The following CEACAM1 variants were observed in gnomAD, a reference collection of about 807,000 sequenced individuals.
CEACAM1 encodes cell adhesion molecule CEACAM1.
CEACAM1 carries 31 observed loss-of-function variants against 49.1 expected under a neutral mutation model. The observed-to-expected ratio is 0.63, with a 90% CI of 0.47 to 0.85. The LOEUF is 0.85. Among genes scored for constraint, CEACAM1 ranks in the 40% least tolerant of loss-of-function variants. The pLI is 0.00. For synonymous variants in CEACAM1, 244 were observed against 247.8 expected, an observed-to-expected ratio of 0.98 and a Z score of 0.14; for missense variants, 570 against 645.3, an observed-to-expected ratio of 0.88 and a Z score of 1.26.
rs75316232 is a variant in CEACAM1, at chr19:42,528,431, G to A, written c.-57C>T. 5.1e-6 allele frequency: 8 copies of A among 1,557,060 alleles called. No homozygotes were observed. The highest frequency in any genetic ancestry group is 4.5e-5 in the East Asian group (2 of 44,526). ...GGAGGAGAGCTTGGGCTCCAGGAAC[G>A]CTTCGAGCACGGCTGCTCTGTCACC... On this transcript the variant is annotated 5_prime_UTR_variant, in exon 1 of 9. Transcript: ENST00000161559.
intron 7 of CEACAM1, 25 bp from the exon 8 acceptor site, chr19:42,510,945 C>A: frequency 2.5e-6 from 4 of 1,612,718 alleles, no homozygotes; most frequent in Non-Finnish European, 3.4e-6. Flanking sequence ...GAAGAGTTAG[C>A]GATCCATGGA....
chr19:42,519,451 C>T (rs2041685145), intron 4 of CEACAM1: 5 of 565,640 alleles, frequency 8.8e-6, no homozygotes, highest in Non-Finnish European at 1.6e-5. Context: ...GCACCTCCCT[C>T]CTGACCCCAG....
intron 4 of CEACAM1, among the ~76,000 whole-genome samples, chr19:42,519,925 T>C (rs2041701324): frequency 6.6e-6 from 1 of 152,238 alleles, no homozygotes; most frequent in Non-Finnish European, 1.5e-5. Flanking sequence ...ACTGTCACTT[T>C]ACATACAAAA....
rs140710372 is a variant in CEACAM1, at chr19:42,521,280, C to T, written c.945G>A (p.Thr315=). ...GGAATTACTTACCAGTGACTATGATCGTCTTGACTGTGGTCCTGTTGCAGC... is the reference window on the plus strand; with the variant it reads ...GGAATTACTTACCAGTGACTATGATTGTCTTGACTGTGGTCCTGTTGCAGC... ...VTGCNRTTVK[T]IIVTELSPVV... is the part of the protein sequence containing the mutation. Residue 315 remains threonine (T), a synonymous_variant, in exon 4 of 9, where the codon ACG becomes ACA. Transcript: ENST00000161559. The T allele has an allele frequency of 5.5e-5, 88 of 1,614,022 alleles. No individual in the cohort carries two copies. The highest frequency in any genetic ancestry group is 1.3e-4 in the Admixed American group (8 of 59,994).
chr19:42,522,059 T>C lies in CEACAM1; in HGVS notation c.568A>G (p.Arg190Gly). The C allele has an allele frequency of 6.2e-7, 1 of 1,614,218 alleles. No individual in the cohort carries two copies. Among genetic ancestry groups the C allele is most frequent in the Non-Finnish European group, 8.5e-7 (1 of 1,180,028 alleles). The change falls in exon 3 of 9, where the codon AGG becomes GGG. Residue 190 changes from arginine (R) to glycine (G), a missense_variant. Coordinates refer to ENST00000161559, the MANE Select transcript of CEACAM1 (RefSeq NM_001712.5). ...CTGTTGCCATTGGACAGCTGCAGCC[T>C]GGGACTGACCGGGAGGCTCTGATTG... is the stretch of plus-strand genomic sequence containing the variant. ...INNQSLPVSPRLQLSNGNRTL... is the reference protein window; with the variant it reads ...INNQSLPVSPGLQLSNGNRTL...
intron 3 of CEACAM1, 41 bp from the exon 4 acceptor site, chr19:42,521,562 G>C (rs1232162746): frequency 1.3e-6 from 2 of 1,594,982 alleles, no homozygotes; most frequent in Admixed American, 1.7e-5. Context: ...TGTCATCAGA[G>C]GGAAGGGGAA....
At chr19:42,527,495 C>T (rs550583780) in intron 1 of CEACAM1, 95 bp from the exon 2 acceptor site, 3 of 1,416,078 alleles carry the variant, frequency 2.1e-6, no homozygotes, top group African/African-American at 1.5e-5. Context: ...CTTCACCCCT[C>T]CACCTTGGAG....
intron 2 of CEACAM1, chr19:42,525,599 A>G (rs2041871302): frequency 6.6e-6 from 1 of 152,216 alleles, no homozygotes; most frequent in Non-Finnish European, 1.5e-5. Context: ...TTAATTCTCC[A>G]TTTGATCTCA....
intron 6 of CEACAM1, among the ~76,000 whole-genome samples, chr19:42,511,918 T>C (rs921098983): frequency 2.0e-4 from 31 of 152,128 alleles, no homozygotes; most frequent in Non-Finnish European, 1.9e-4. Context: ...TTTTTTTTTT[T>C]TCTCTATTTA....
intron 5 of CEACAM1, among the ~76,000 whole-genome samples, chr19:42,514,751 G>C (rs1324389295): frequency 6.6e-6 from 1 of 152,142 alleles, no homozygotes; most frequent in Non-Finnish European, 1.5e-5. Context: ...GTGCTGTCAG[G>C]TAGACATTAT....
At chr19:42,516,534 G>C (rs1423005348) in intron 5 of CEACAM1, among the ~76,000 whole-genome samples, 1 of 152,110 alleles carries the variant, frequency 6.6e-6, no homozygotes, top group East Asian at 1.9e-4. Context: ...CATTTTCATG[G>C]ATTAGAAGAC....
intron 5 of CEACAM1, chr19:42,516,887 C>A (rs534585590): frequency 1.7e-5 from 7 of 419,980 alleles, no homozygotes; most frequent in South Asian, 8.5e-5. Flanking sequence ...AGCAAAAAAA[C>A]AAAACAAAAC....
chr19:42,513,044 G>A (rs2041501401), intron 5 of CEACAM1, among the ~76,000 whole-genome samples: 1 of 152,168 alleles, frequency 6.6e-6, no homozygotes, highest in African/African-American at 2.4e-5. Context: ...CCATTTTTAA[G>A]GCTTTGAAAT....
At chr19:42,517,800 C>T (rs1404369335) in intron 5 of CEACAM1, among the ~76,000 whole-genome samples, 1 of 152,174 alleles carries the variant, frequency 6.6e-6, no homozygotes, top group Non-Finnish European at 1.5e-5. Flanking sequence ...ACAGGATTAC[C>T]ATTTGATCCA....
intron 5 of CEACAM1, among the ~76,000 whole-genome samples, chr19:42,517,229 G>A (rs976903309): frequency 1.3e-5 from 2 of 152,176 alleles, no homozygotes; most frequent in Non-Finnish European, 2.9e-5. Flanking sequence ...TAAAGCTCTT[G>A]GAAGATAGAG....
intron 8 of CEACAM1, 111 bp downstream of exon 8, chr19:42,510,778 C>T: frequency 2.1e-6 from 2 of 964,234 alleles, no homozygotes; most frequent in Non-Finnish European, 3.4e-6. Context: ...TGTTGTTGCA[C>T]TGAGGAACAT....
intron 6 of CEACAM1, among the ~76,000 whole-genome samples, chr19:42,512,013 C>T (rs2041469547): frequency 6.6e-6 from 1 of 152,054 alleles, no homozygotes; most frequent in South Asian, 2.1e-4. Context: ...ATGTGGTCAA[C>T]AGAGCACATG....
chr19:42,517,157 A>AT (rs1157108659), intron 5 of CEACAM1, among the ~76,000 whole-genome samples: 1 of 152,232 alleles, frequency 6.6e-6, no homozygotes, highest in African/African-American at 2.4e-5. Flanking sequence ...ACCTTTATGT[A>AT]ACACCATATA....
intron 4 of CEACAM1, 148 bp from the exon 5 acceptor site, chr19:42,519,383 G>A (rs2041683392): frequency 1.4e-6 from 1 of 721,212 alleles, no homozygotes; most frequent in Non-Finnish European, 2.4e-6. Flanking sequence ...GGATAGCCCT[G>A]ACCCTCTGCA....
Sources: gnomAD v4.1 joint callset for allele counts (sites outside exome capture counted in the v4.1 genomes callset) on GRCh38, gnomAD v4.1.1 for gene constraint, MANE v1.5 for transcripts, NCBI Gene and HGNC (gene_info 2026-07-23, HGNC 2026-07-21) for gene names.